The following TNK1 variants were observed in gnomAD, a reference collection of about 807,000 sequenced individuals.
TNK1 encodes the protein tyrosine kinase non receptor 1.
Under a neutral mutation model 65.2 loss-of-function variants are expected in TNK1, and 53 were observed. The observed-to-expected ratio is 0.81, with a 90% CI of 0.65 to 1.02. The LOEUF (loss-of-function observed/expected upper bound fraction) is 1.02, where lower values mean the gene tolerates loss of function less well. Ranked by LOEUF, TNK1 falls within the 50% of genes least tolerant of loss-of-function variation. TNK1 has a pLI of 0.00. For missense variants in TNK1, 837 were observed against 878.4 expected, an observed-to-expected ratio of 0.95 and a Z score of 0.60; for synonymous variants, 353 against 364.6, an observed-to-expected ratio of 0.97 and a Z score of 0.36.
upstream of TNK1, chr17:7,381,050 C>T (rs1039441659): frequency 6.6e-6 from 1 of 152,306 alleles, no homozygotes; most frequent in African/African-American, 2.4e-5. Context: ...ACTCCTGTCC[C>T]GCCTCCTCGG....
chr17:7,384,055 G>T lies in TNK1; in HGVS notation c.668G>T (p.Cys223Phe). 1 of 1,534,502 alleles carries T rather than the reference G, an allele frequency of 6.5e-7. No homozygotes were observed. The highest frequency in any genetic ancestry group is 8.7e-7 in the Non-Finnish European group (1 of 1,146,606). Residue 223 changes from cysteine to phenylalanine, a missense_variant, in exon 6 of 13, where the codon TGC (cysteine) becomes TTC (phenylalanine). By Grantham distance (205) the Cys-to-Phe change is radical (BLOSUM62 -2). Transcript: ENST00000688331. ...CCCCCGCTGCTCGTGGCCCTGCTCT[G>T]CCTCTTCCTGCGGCAGCTGGCGGGA... ...PTPPLLVALLCLFLRQLAGAM... is the reference protein window; with the variant it reads ...PTPPLLVALLFLFLRQLAGAM...
intron 7 of TNK1, 146 bp downstream of exon 7, chr17:7,384,900 C>A: frequency 8.8e-7 from 1 of 1,133,170 alleles, no homozygotes; most frequent in African/African-American, 1.6e-5. Flanking sequence ...TCCCTACCTG[C>A]AGGGAGATCA....
In TNK1 at chr17:7,384,587, T is replaced by C. The variant is rs1213412714; in HGVS notation, c.970T>C (p.Trp324Arg). 1 of 1,612,340 alleles carries C rather than the reference T, an allele frequency of 6.2e-7. No homozygotes were observed. Among genetic ancestry groups the C allele is most frequent in the Admixed American group, 1.7e-5 (1 of 59,900 alleles). ...WEMFSGGEEP[W>R]AGVPPYLILQ... ...GATGTTCTCCGGGGGCGAGGAACCC[T>C]GGGCCGGGGTCCCACCGTACCTCAT... Residue 324 changes from tryptophan (W) to arginine (R), a missense_variant, in exon 7 of 13, where the codon TGG becomes CGG. Trp to Arg is a moderately radical substitution (Grantham distance 101). Transcript: ENST00000688331.
rs112811453 is a variant in TNK1, at chr17:7,382,040, G to C, written c.-91-796G>C. On this transcript the variant is annotated intron_variant, in intron 1 of 12. Transcript: ENST00000688331. The surrounding 1 kb of genome is among the most constrained non-coding windows in gnomAD (Gnocchi z 4.1). Reference sequence around the variant, plus strand: ...CCCAGCACTTTGGGTGGCCGAGGCGGGCGGATCACGAGGTCAGGAGTTCAA... The same window carrying C: ...CCCAGCACTTTGGGTGGCCGAGGCGCGCGGATCACGAGGTCAGGAGTTCAA... 2.6e-3 allele frequency among the ~76,000 whole-genome samples: 390 copies of C among 152,328 alleles called. 1 individual carries two copies. Among genetic ancestry groups the C allele is most frequent in the African/African-American group, 8.9e-3 (369 of 41,576 alleles).
chr17:7,384,409 T>G, intron 6 of TNK1, 75 bp from the exon 7 acceptor site: 1 of 1,451,174 alleles, frequency 6.9e-7, no homozygotes, highest in East Asian at 2.5e-5. Context: ...ATGGGTGCAC[T>G]CGGGGGTGCT....
Position 7,388,729 on chromosome 17 carries a change from G to A in TNK1, c.1776+25G>A, listed in dbSNP as rs1905368051. 2 of 1,608,190 alleles carry A rather than the reference G, an allele frequency of 1.2e-6. No homozygotes were observed. Among genetic ancestry groups the A allele is most frequent in the Non-Finnish European group, 1.7e-6 (2 of 1,176,616 alleles). On this transcript the variant is annotated intron_variant, in intron 11 of 12. Coordinates refer to ENST00000688331, the MANE Select transcript of TNK1 (RefSeq NM_003985.6). This position sits in a 1 kb window ranked among gnomAD's most constrained non-coding sequence, Gnocchi z 4.5. The stretch of plus-strand genomic sequence containing the variant: ...GGTGAGGTCTCACTGAAATGGCCTG[G>A]TGTCCAGAAGGGGCTACAGGCAGGG...
Position 7,384,713 on chromosome 17 carries a change from G to C in TNK1, c.1096G>C (p.Asp366His). 1.3e-6 allele frequency: 2 copies of C among 1,587,192 alleles called. No homozygotes were observed. Among genetic ancestry groups the C allele is most frequent in the Non-Finnish European group, 1.7e-6 (2 of 1,170,268 alleles). ...ALRCWAPHPA[D>H]RPSFSHLEGL... The stretch of plus-strand genomic sequence containing the variant: ...GCGCTGCTGGGCCCCCCACCCTGCC[G>C]ACCGGCCTAGCTTTTCCCACCTGGA... Residue 366 changes from aspartate (D) to histidine (H), a missense_variant, in exon 7 of 13, where the codon GAC (aspartate) becomes CAC (histidine). Physicochemically the swap from Asp to His is moderately conservative, Grantham distance 81. Transcript: ENST00000688331.
In TNK1 at chr17:7,384,130, C is replaced by CA; in HGVS notation, c.743_744insA (p.Arg249AlafsTer15). The CA allele has an allele frequency of 6.5e-7, 1 of 1,548,152 alleles. No individual in the cohort carries two copies. On this transcript the variant is annotated frameshift_variant, in exon 6 of 13. Transcript: ENST00000688331. LOFTEE classifies it high-confidence loss of function. ...GGGCTGGTGCACCGAGACCTCGCTA[C>CA]GCGCAACCTACTGCTGGCGTCGCCG...
chr17:7,380,893 G>C (rs1484032843), upstream of TNK1: 1 of 152,334 alleles, frequency 6.6e-6, no homozygotes, highest in South Asian at 2.1e-4. Flanking sequence ...AGGGAAGGGG[G>C]CTTCTCACAG....
chr17:7,389,392 C>A lies in TNK1; in HGVS notation c.*308C>A, dbSNP rs1905446942. On this transcript the variant is annotated 3_prime_UTR_variant, in exon 13 of 13. Transcript: ENST00000688331. The stretch of plus-strand genomic sequence containing the variant: ...GAAAAGAGCTGCTATACATCATATG[C>A]AGAGGAAGCTTCTACGCGCTAGAGA... 2 of 498,746 alleles carry A rather than the reference C, an allele frequency of 4.0e-6. No homozygotes were observed. The highest frequency in any genetic ancestry group is 3.0e-5 in the East Asian group (1 of 33,338). 30.9% of individuals were successfully genotyped at this position (498,746 alleles called of 1,614,324 possible). A position where few individuals can be genotyped will look rare whatever the true frequency, so the allele number is the denominator to read the frequency against.
In TNK1 at chr17:7,383,829, C is replaced by G. The variant is rs901661884; in HGVS notation, c.547C>G (p.Leu183Val). The change falls in exon 5 of 13, where the codon CTG becomes GTG. Residue 183 changes from leucine to valine, a missense_variant. By Grantham distance (32) the Leu-to-Val change is conservative. Coordinates refer to ENST00000688331, the MANE Select transcript of TNK1 (RefSeq NM_003985.6). ...MNLEHPHVLR[L>V]HGLVLGQPLQ... ...CTTGGAGCACCCACACGTGCTGCGT[C>G]TGCACGGCCTTGTACTGGGCCAGCC... 36 of 1,612,112 alleles carry G rather than the reference C, an allele frequency of 2.2e-5. No individual in the cohort carries two copies. Among genetic ancestry groups the G allele is most frequent in the Non-Finnish European group, 3.0e-5 (35 of 1,179,234 alleles).
upstream of TNK1, chr17:7,381,039 T>C (rs1904777980): frequency 6.6e-6 from 1 of 152,298 alleles, no homozygotes; most frequent in Non-Finnish European, 1.5e-5. Flanking sequence ...CCGCGGGATT[T>C]ACTCCTGTCC....
rs1312369368 is a variant in TNK1 at position 7,387,100 on chromosome 17, C to T, written c.1343C>T (p.Pro448Leu). 1.9e-6 allele frequency: 3 copies of T among 1,612,336 alleles called. No homozygotes were observed. Among genetic ancestry groups the T allele is most frequent in the Non-Finnish European group, 2.5e-6 (3 of 1,179,092 alleles). The stretch of plus-strand genomic sequence containing the variant: ...GCGGGGGGCTTGCCAGCCACCCGTC[C>T]AGTCCACAGAGGCACCCCTGCCCGG... ...ADAGGLPATRPVHRGTPARGD... is the reference protein window; with the variant it reads ...ADAGGLPATRLVHRGTPARGD... Residue 448 changes from proline to leucine, a missense_variant, in exon 9 of 13, where the codon CCA becomes CTA. Coordinates refer to ENST00000688331, the MANE Select transcript of TNK1 (RefSeq NM_003985.6).
At position 7,383,038 on chromosome 17, in the gene TNK1, T is replaced by A. The variant is rs368513840; in HGVS notation, c.112T>A (p.Phe38Ile). ...EELNVTRPEH[F>I]DFVKPEDLDG... Reference sequence around the variant, plus strand: ...GCTTAATGTCACTCGGCCAGAGCACTTCGACTTTGTAAAGCCTGAGGACCT... The same window carrying A: ...GCTTAATGTCACTCGGCCAGAGCACATCGACTTTGTAAAGCCTGAGGACCT... Residue 38 changes from phenylalanine (F) to isoleucine (I), a missense_variant, in exon 2 of 13, where the codon TTC (phenylalanine) becomes ATC (isoleucine). Phe to Ile is a conservative substitution (Grantham distance 21). Transcript: ENST00000688331. The A allele has an allele frequency of 6.2e-7, 1 of 1,613,916 alleles. No homozygotes were observed. The highest frequency in any genetic ancestry group is 1.3e-5 in the African/African-American group (1 of 74,940).
chr17:7,381,547 C>G (rs555423208), intron 1 of TNK1, among the ~76,000 whole-genome samples: 1 of 152,336 alleles, frequency 6.6e-6, no homozygotes, highest in South Asian at 2.1e-4. Context: ...CCGAGTGACT[C>G]AGGCTGCCAG....
intron 7 of TNK1, among the ~76,000 whole-genome samples, chr17:7,386,020 A>G (rs1025784163): frequency 3.3e-5 from 5 of 152,206 alleles, no homozygotes; most frequent in Admixed American, 6.5e-5. Context: ...ACACTCTACC[A>G]CTAAAGCTTA....
At chr17:7,386,722 C>T in intron 8 of TNK1, 67 bp downstream of exon 8, 1 of 1,318,082 alleles carries the variant, frequency 7.6e-7, no homozygotes, top group South Asian at 1.3e-5. Context: ...TTCCTGATCC[C>T]TTCTCTGCTT....
rs1016174240 is a variant in TNK1 at position 7,382,250 on chromosome 17, A to C, written c.-91-586A>C. Among the ~76,000 whole-genome samples, 5 of 136,978 alleles carry C rather than the reference A, an allele frequency of 3.7e-5. No homozygotes were observed. Among genetic ancestry groups the C allele is most frequent in the Non-Finnish European group, 7.6e-5 (5 of 65,394 alleles). The allele number at this position is 136,978 out of a possible 152,430, so 89.9% of individuals were successfully genotyped here. Reference sequence around the variant, plus strand: ...CACTGCATTCCAGCCTAGATGACAGAGCGAGACTCCGTCTCAAAAAAAAAA... The same window carrying C: ...CACTGCATTCCAGCCTAGATGACAGCGCGAGACTCCGTCTCAAAAAAAAAA... On this transcript the variant is annotated intron_variant, in intron 1 of 12. Transcript: ENST00000688331. The surrounding 1 kb of genome is among the most constrained non-coding windows in gnomAD (Gnocchi z 4.1).
intron 8 of TNK1, 138 bp from the exon 9 acceptor site, chr17:7,386,852 G>C: frequency 7.9e-7 from 1 of 1,268,052 alleles, no homozygotes; most frequent in Non-Finnish European, 1.1e-6. Context: ...GAGCCTTATT[G>C]CATTAGGGAA....
Sources: allele counts gnomAD v4.1 joint callset (sites outside exome capture counted in the v4.1 genomes callset), GRCh38; gene constraint gnomAD v4.1.1; non-coding constraint Gnocchi (gnomAD v3.1); transcripts MANE v1.5; gene names NCBI Gene and HGNC (gene_info 2026-07-23, HGNC 2026-07-21).